Variants in INO80C observed in about 807,000 individuals in gnomAD.
The protein encoded by INO80C is INO80 complex subunit C, also known as IES6 homolog.
In INO80C, 17 loss-of-function variants were observed where a neutral mutation model predicts 17.7. The ratio of observed to expected loss-of-function variants is 0.96; its 90% confidence interval spans 0.66 to 1.44. The LOEUF (loss-of-function observed/expected upper bound fraction) is 1.44. Among genes scored for constraint, INO80C ranks in the 40% most tolerant of loss-of-function variants. The pLI, the probability that INO80C is intolerant of heterozygous loss-of-function variation, is 0.00. For missense variants in INO80C, 244 were observed against 245.0 expected (o/e 1.00, Z 0.03); for synonymous variants, 96 against 95.8 (o/e 1.00, Z -0.01).
chr18:35,478,102 T>C (rs2045758766), intron 4 of INO80C, among the ~76,000 whole-genome samples, 180 bp downstream of exon 4: 1 of 152,188 alleles, frequency 6.6e-6, no homozygotes, highest in Non-Finnish European at 1.5e-5. Context: ...CAATCCTCCC[T>C]GCAGGCTGCC....
chr18:35,470,652 C>A (rs1044859610), intron 4 of INO80C, among the ~76,000 whole-genome samples: 1 of 152,188 alleles, frequency 6.6e-6, no homozygotes, highest in East Asian at 1.9e-4. Context: ...AGCCGGCCCG[C>A]CCAAGTTCAG....
rs144357751 is a variant in INO80C at position 35,471,575 on chromosome 18, A to G, written c.448-2833T>C. Among the ~76,000 whole-genome samples the G allele has an allele frequency of 5.8e-3, 876 of 152,258 alleles. 4 individuals carry two copies. The highest frequency in any genetic ancestry group is 9.9e-3 in the Non-Finnish European group (676 of 68,020). ...TGCGGTCTCTCATAAGCATTTCTGC[A>G]TGAAGTTCTTTGTGCACACTATTTC... On this transcript the variant is annotated intron_variant, in intron 4 of 4. Transcript: ENST00000334598.
Position 35,480,524 on chromosome 18 carries a change from G to A in INO80C, c.196C>T (p.Pro66Ser). 1 of 1,613,960 alleles carries A rather than the reference G, an allele frequency of 6.2e-7. No homozygotes were observed. Among genetic ancestry groups the A allele is most frequent in the Non-Finnish European group, 8.5e-7 (1 of 1,179,798 alleles). The change falls in exon 2 of 5, where the codon CCC (proline) becomes TCC (serine). Residue 66 changes from proline to serine, a missense_variant. Transcript: ENST00000334598. ...MEAMSENKMV[P>S]SEFSTGPVEK... ...ACAGGTCCTGTGCTAAACTCAGAGG[G>A]CACCATTTTATTCTCACTCATGGCT...
chr18:35,495,908 T>C (rs1462678948), intron 1 of INO80C, among the ~76,000 whole-genome samples: 1 of 152,158 alleles, frequency 6.6e-6, no homozygotes, highest in Non-Finnish European at 1.5e-5. Flanking sequence ...TGAAAAGTGA[T>C]TGATATCATT....
intron 1 of INO80C, among the ~76,000 whole-genome samples, chr18:35,489,866 G>C (rs967015589): frequency 2.6e-5 from 4 of 152,076 alleles, no homozygotes; most frequent in African/African-American, 9.7e-5. Context: ...GCCCTCCTCT[G>C]TTAACACCCC....
chr18:35,479,382 G>A lies in INO80C; in HGVS notation c.297C>T (p.Gly99=), dbSNP rs774304483. Residue 99 remains glycine (G), a synonymous_variant, in exon 3 of 5, where the codon GGC becomes GGT. Coordinates refer to ENST00000334598, the MANE Select transcript of INO80C (RefSeq NM_194281.4). ...VHSGHGGAVA[G]KKNRTWKNLK... ...GGTTCTTCCAGGTTCTGTTCTTCTT[G>A]CCAGCTACTGCGCCACCGTGGCCAG... 4 of 1,613,866 alleles carry A rather than the reference G, an allele frequency of 2.5e-6. No homozygotes were observed.
chr18:35,483,615 CATTG>C (rs1428521091), intron 1 of INO80C: 1 of 152,144 alleles, frequency 6.6e-6, no homozygotes, highest in Admixed American at 6.5e-5. Flanking sequence ...ATGAGTGATT[CATTG>C]ATTAACTGAT....
intron 1 of INO80C, among the ~76,000 whole-genome samples, chr18:35,482,782 C>T (rs1022743853): frequency 6.6e-6 from 1 of 152,178 alleles, no homozygotes; most frequent in Non-Finnish European, 1.5e-5. Context: ...CTCCCTTCCT[C>T]CCACAGTCCT....
Position 35,497,889 on chromosome 18 carries a change from TC to T in INO80C, c.-16del. 1 of 1,528,448 alleles carries T rather than the reference TC, an allele frequency of 6.5e-7. No individual in the cohort carries two copies. The highest frequency in any genetic ancestry group is 8.8e-7 in the Non-Finnish European group (1 of 1,135,674). The allele number at this position is 1,528,448 out of a possible 1,614,324, so 94.7% of individuals were successfully genotyped here. The stretch of plus-strand genomic sequence containing the variant: ...TGCGCCGCCATCGCACTCCGAGTCT[TC>T]CCCTGGTCCCCCCACCTTTTTCCCA... On this transcript the variant is annotated 5_prime_UTR_variant, in exon 1 of 5. Transcript: ENST00000334598.
chr18:35,472,929 G>T (rs964394795), intron 4 of INO80C, among the ~76,000 whole-genome samples: 1 of 152,178 alleles, frequency 6.6e-6, no homozygotes, highest in African/African-American at 2.4e-5. Context: ...TGAACTAGGA[G>T]AGTTATCTGT....
intron 1 of INO80C, among the ~76,000 whole-genome samples, chr18:35,493,095 G>A (rs2045948018): frequency 6.6e-6 from 1 of 152,182 alleles, no homozygotes; most frequent in African/African-American, 2.4e-5. Flanking sequence ...GTGAGCTTGG[G>A]CAAGTTACAC....
intron 1 of INO80C, chr18:35,487,345 A>G (rs2144073526): frequency 2.6e-6 from 1 of 390,448 alleles, no homozygotes; most frequent in East Asian, 1.0e-4. Flanking sequence ...CATACCTAAG[A>G]CTGGGTAAAT....
intron 4 of INO80C, among the ~76,000 whole-genome samples, chr18:35,475,445 A>G (rs1380737214): frequency 6.6e-6 from 1 of 152,200 alleles, no homozygotes; most frequent in African/African-American, 2.4e-5. Context: ...AGACAGGATG[A>G]TCACTTGAGC....
rs371356687 is a variant in INO80C at position 35,497,903 on chromosome 18, C to G, written c.-29G>C. Reference sequence around the variant, plus strand: ...ACTCCGAGTCTTCCCCTGGTCCCCCCACCTTTTTCCCAGCGCGGGCCTTGG... The same window carrying G: ...ACTCCGAGTCTTCCCCTGGTCCCCCGACCTTTTTCCCAGCGCGGGCCTTGG... On this transcript the variant is annotated 5_prime_UTR_variant, in exon 1 of 5. Transcript: ENST00000334598. 34 of 1,505,108 alleles carry G rather than the reference C, an allele frequency of 2.3e-5. No individual in the cohort carries two copies. Among genetic ancestry groups the G allele is most frequent in the East Asian group, 5.2e-5 (2 of 38,786 alleles). The allele number at this position is 1,505,108 out of a possible 1,614,324, so 93.2% of individuals were successfully genotyped here.
chr18:35,472,197 G>C (rs1030531269), intron 4 of INO80C, among the ~76,000 whole-genome samples: 1 of 152,132 alleles, frequency 6.6e-6, no homozygotes, highest in Non-Finnish European at 1.5e-5. Flanking sequence ...CACAGCAGTT[G>C]AACTAGTTTA....
At position 35,497,724 on chromosome 18, in the gene INO80C, C is replaced by A. The variant is rs779887854; in HGVS notation, c.151G>T (p.Ala51Ser). Residue 51 changes from alanine to serine, a missense_variant, in exon 1 of 5, where the codon GCG (alanine) becomes TCG (serine). Ala to Ser is a moderately conservative substitution (Grantham distance 99). Transcript: ENST00000334598. Reference sequence around the variant, plus strand: ...CTGGGAGCGCGACTGCGTACCTGCGCAAAGCTGGAAGCGGACGCTTTTTTC... The same window carrying A: ...CTGGGAGCGCGACTGCGTACCTGCGAAAAGCTGGAAGCGGACGCTTTTTTC... ...KKKKASASSF[A>S]QGISMEAMSE... 69 of 1,611,750 alleles carry A rather than the reference C, an allele frequency of 4.3e-5. 2 individuals are homozygous for A. The South Asian group carries it at 5.8e-4, about 14-fold the overall frequency.
At chr18:35,474,047 G>A (rs1216200181) in intron 4 of INO80C, among the ~76,000 whole-genome samples, 8 of 151,168 alleles carry the variant, frequency 5.3e-5, no homozygotes, top group African/African-American at 1.2e-4. Context: ...AAAATGTGAC[G>A]CACAGTTAAG....
At chr18:35,480,833 A>G (rs2045798408) in intron 1 of INO80C, among the ~76,000 whole-genome samples, 1 of 152,242 alleles carries the variant, frequency 6.6e-6, no homozygotes, top group Non-Finnish European at 1.5e-5. Context: ...TGGCTGTCCT[A>G]CGCAAGTTAG....
At chr18:35,486,786 T>TAATAA (rs2045879782) in intron 1 of INO80C, among the ~76,000 whole-genome samples, 1 of 79,682 alleles carries the variant, frequency 1.3e-5, no homozygotes, top group Non-Finnish European at 2.5e-5. Context: ...CCCAATTTCT[T>TAATAA]AAAAAAAAAA....
Sources: allele counts gnomAD v4.1 joint callset (sites outside exome capture counted in the v4.1 genomes callset), GRCh38; gene constraint gnomAD v4.1.1; transcripts MANE v1.5; gene names NCBI Gene and HGNC (gene_info 2026-07-23, HGNC 2026-07-21).